PHC3: variants seen among roughly 807,000 people sequenced by gnomAD.
PHC3 encodes the protein polyhomeotic homolog 3, also known as polyhomeotic-like protein 3.
A neutral mutation model predicts 107.4 loss-of-function variants in PHC3; 13 were observed. The ratio of observed to expected loss-of-function variants is 0.12; its 90% CI spans 0.08 to 0.19. PHC3 has a LOEUF of 0.19. PHC3 is among the 10% of genes least tolerant of loss of function. The probability of loss-of-function intolerance (pLI) is 1.00; values close to 1 mark genes in which losing one functional copy is unlikely to be tolerated. For synonymous variants in PHC3, 456 were observed against 427.4 expected (o/e 1.07, Z -0.83); for missense variants, 992 against 1,210.9 (o/e 0.82, Z 2.68).
At chr3:170,112,333 C>T (rs1217201237) in intron 11 of PHC3, among the ~76,000 whole-genome samples, 1 of 151,640 alleles carries the variant, frequency 6.6e-6, no homozygotes, top group Non-Finnish European at 1.5e-5. Flanking sequence ...GCCTCAGCCT[C>T]CAAAGTAGCT....
intron 9 of PHC3, among the ~76,000 whole-genome samples, chr3:170,117,997 G>A (rs551484988): frequency 7.9e-5 from 12 of 152,258 alleles, no homozygotes; most frequent in Admixed American, 5.2e-4. Flanking sequence ...TGGGCGACAA[G>A]AGTGAAACTC....
At chr3:170,154,672 GTATTCTACTC>G (rs1726605957) in intron 4 of PHC3, among the ~76,000 whole-genome samples, 2 of 152,146 alleles carry the variant, frequency 1.3e-5, no homozygotes, top group Non-Finnish European at 2.9e-5. Flanking sequence ...CTAACCACCT[GTATTCTACTC>G]TAAGTTGTGA....
intron 6 of PHC3, among the ~76,000 whole-genome samples, chr3:170,137,613 A>G (rs1421941965): frequency 1.3e-5 from 2 of 152,240 alleles, no homozygotes; most frequent in Non-Finnish European, 2.9e-5. Flanking sequence ...CCGTCTCTAC[A>G]TCATTAACTG....
intron 7 of PHC3, among the ~76,000 whole-genome samples, chr3:170,130,049 T>C (rs1235107666): frequency 2.6e-5 from 4 of 152,236 alleles, no homozygotes; most frequent in African/African-American, 9.6e-5. Flanking sequence ...TATCATAAAA[T>C]ACACTGTACT....
At chr3:170,131,967 T>C (rs1412566902) in intron 7 of PHC3, among the ~76,000 whole-genome samples, 1 of 152,198 alleles carries the variant, frequency 6.6e-6, no homozygotes, top group Admixed American at 6.5e-5. Flanking sequence ...TGATCAGAAA[T>C]CAAAGTGTGT....
At chr3:170,131,426 TAAGTA>T (rs1173232112) in intron 7 of PHC3, among the ~76,000 whole-genome samples, 2 of 152,190 alleles carry the variant, frequency 1.3e-5, no homozygotes, top group Admixed American at 6.5e-5. Flanking sequence ...CTCTTACAGA[TAAGTA>T]AATAGATTTT....
intron 4 of PHC3, among the ~76,000 whole-genome samples, chr3:170,168,419 C>T (rs988782899): frequency 3.9e-5 from 6 of 152,114 alleles, no homozygotes; most frequent in Non-Finnish European, 7.4e-5. Flanking sequence ...ATACTAAAGA[C>T]ATAAACCTAA....
In PHC3 at chr3:170,095,774, A is replaced by G. The variant is rs1714571811; in HGVS notation, c.*1456T>C. ...CTATAAAGCTTTCAGGGCTTCCACA[A>G]ACAATTTTGTTTTAGTGTCATAATT... On this transcript the variant is annotated 3_prime_UTR_variant, in exon 15 of 15. Coordinates refer to ENST00000495893, the MANE Select transcript of PHC3 (RefSeq NM_024947.4). 6.6e-6 allele frequency: 1 copy of G among 152,194 alleles called. No individual in the cohort carries two copies. Among genetic ancestry groups the G allele is most frequent in the African/African-American group, 2.4e-5 (1 of 41,462 alleles). 9.4% of individuals were successfully genotyped at this position (152,194 alleles called of 1,614,324 possible). A position where few individuals can be genotyped will look rare whatever the true frequency, so the allele number is the denominator to read the frequency against.
rs1302135093 is a variant in PHC3 at position 170,178,873 on chromosome 3, G to A, written c.80C>T (p.Thr27Ile). 2 of 1,613,938 alleles carry A rather than the reference G, an allele frequency of 1.2e-6. No homozygotes were observed. The highest frequency in any genetic ancestry group is 1.1e-5 in the South Asian group (1 of 91,080). ...PNPGTSSVST[T>I]TSSTTTTTIT... ...GGTGGTGGTGGTGGTACTGCTGGTTGTTGTTGACACAGAAGATGTTCCCGG... is the reference window on the plus strand; with the variant it reads ...GGTGGTGGTGGTGGTACTGCTGGTTATTGTTGACACAGAAGATGTTCCCGG... The change falls in exon 2 of 15, where the codon ACA becomes ATA. Residue 27 changes from threonine to isoleucine, a missense_variant. Thr to Ile is a moderately conservative substitution (Grantham distance 89). This residue lies in a region of PHC3 where 161 missense variants were observed against 183.7 expected (regional missense o/e 0.88). Coordinates refer to ENST00000495893, the MANE Select transcript of PHC3 (RefSeq NM_024947.4).
rs989705701 is a variant in PHC3, at chr3:170,094,218, T to C, written c.*3012A>G. The C allele has an allele frequency of 6.6e-5, 10 of 152,236 alleles. No individual in the cohort carries two copies. Among genetic ancestry groups the C allele is most frequent in the African/African-American group, 1.4e-4 (6 of 41,468 alleles). 9.4% of individuals were successfully genotyped at this position (152,236 alleles called of 1,614,324 possible). A position where few individuals can be genotyped will look rare whatever the true frequency, so the allele number is the denominator to read the frequency against. On this transcript the variant is annotated 3_prime_UTR_variant, in exon 15 of 15. Transcript: ENST00000495893. The stretch of plus-strand genomic sequence containing the variant: ...ACTATATTGACTACTCAAAGCTGCA[T>C]AGCTGTGTCTTACACATGCCTACAC...
At chr3:170,151,818 C>T (rs1426071636) in intron 4 of PHC3, among the ~76,000 whole-genome samples, 1 of 152,144 alleles carries the variant, frequency 6.6e-6, no homozygotes, top group Non-Finnish European at 1.5e-5. Context: ...TCCACATCCA[C>T]ACTCCCTGTA....
chr3:170,172,776 C>G (rs1242109124), intron 2 of PHC3, 64 bp from the exon 3 acceptor site: 4 of 1,521,142 alleles, frequency 2.6e-6, no homozygotes, highest in Non-Finnish European at 3.5e-6. Flanking sequence ...ATCAGAAAAT[C>G]AAAGTATAAA....
At position 170,122,601 on chromosome 3, in the gene PHC3, A is replaced by G; in HGVS notation, c.1932T>C (p.His644=). The part of the protein sequence containing the change: ...VGRGEDLTSE[H]PLLEQVELPA... ...TTGGTATTTTCTCACCTAACAAAGG[A>G]TGTTCAGAAGTCAAATCTTCTCCTC... The change falls in exon 9 of 15, where the codon CAT becomes CAC. Residue 644 remains histidine, a synonymous_variant. Coordinates refer to ENST00000495893, the MANE Select transcript of PHC3 (RefSeq NM_024947.4). 1 of 1,613,974 alleles carries G rather than the reference A, an allele frequency of 6.2e-7. No individual in the cohort carries two copies. Among genetic ancestry groups the G allele is most frequent in the Non-Finnish European group, 8.5e-7 (1 of 1,179,852 alleles).
intron 6 of PHC3, among the ~76,000 whole-genome samples, chr3:170,137,884 C>T (rs760895368): frequency 3.3e-5 from 5 of 152,156 alleles, no homozygotes; most frequent in Admixed American, 2.0e-4. Flanking sequence ...GGCAACAGAG[C>T]GAGACTCTGT....
At chr3:170,153,878 T>G (rs1307605143) in intron 4 of PHC3, among the ~76,000 whole-genome samples, 1 of 152,132 alleles carries the variant, frequency 6.6e-6, no homozygotes, top group Non-Finnish European at 1.5e-5. Context: ...GCAAGGTATG[T>G]GTAGTATCAT....
At chr3:170,140,168 A>G (rs1723800388) in intron 6 of PHC3, among the ~76,000 whole-genome samples, 1 of 149,534 alleles carries the variant, frequency 6.7e-6, no homozygotes, top group East Asian at 2.0e-4. Flanking sequence ...TTTTTCCTCA[A>G]TTCTAAGAGT....
In PHC3 at chr3:170,093,813, CAAT is replaced by C. The variant is rs1402238025; in HGVS notation, c.*3414_*3416del. The C allele has an allele frequency of 1.4e-4, 21 of 152,242 alleles. No homozygotes were observed. The highest frequency in any genetic ancestry group is 4.3e-4 in the African/African-American group (18 of 41,548). 9.4% of individuals were successfully genotyped at this position (152,242 alleles called of 1,614,324 possible). ...CAAAAATTATTCAAAGGCATGATCACAATAATACTTGTTTCATAGTTCTAAGTA... is the reference window on the plus strand; with the variant it reads ...CAAAAATTATTCAAAGGCATGATCACAATACTTGTTTCATAGTTCTAAGTA... On this transcript the variant is annotated 3_prime_UTR_variant, in exon 15 of 15. Coordinates refer to ENST00000495893, the MANE Select transcript of PHC3 (RefSeq NM_024947.4).
At chr3:170,137,017 C>T (rs1354888290) in intron 6 of PHC3, among the ~76,000 whole-genome samples, 1 of 151,860 alleles carries the variant, frequency 6.6e-6, no homozygotes, top group Non-Finnish European at 1.5e-5. Context: ...TATATACAGA[C>T]AGTGTGTGTA....
At chr3:170,163,196 A>G (rs537037369) in intron 4 of PHC3, among the ~76,000 whole-genome samples, 4 of 152,306 alleles carry the variant, frequency 2.6e-5, no homozygotes, top group African/African-American at 7.2e-5. Context: ...ATGAATGAAC[A>G]AAGTCATAAA....
Sources: gnomAD v4.1 joint callset for allele counts (sites outside exome capture counted in the v4.1 genomes callset) on GRCh38, gnomAD v4.1.1 for gene constraint, gnomAD v4.1.1 regional missense constraint, MANE v1.5 for transcripts, NCBI Gene and HGNC (gene_info 2026-07-23, HGNC 2026-07-21) for gene names.